ACBD6: variants seen among roughly 807,000 people sequenced by gnomAD.
The protein encoded by ACBD6 is acyl-CoA binding domain containing 6, also known as acyl-CoA-binding domain-containing protein 6.
In ACBD6, 28 loss-of-function variants were observed where a neutral mutation model predicts 37.2. The ratio of observed to expected loss-of-function variants is 0.75; its 90% CI spans 0.56 to 1.03. ACBD6 has a LOEUF of 1.03. Ranked by LOEUF, ACBD6 falls within the 50% of genes least tolerant of loss-of-function variation. The pLI, the probability that ACBD6 is intolerant of heterozygous loss-of-function variation, is 0.00. For missense variants in ACBD6, 340 were observed against 337.4 expected (o/e 1.01, Z -0.06); for synonymous variants, 113 against 126.8 (o/e 0.89, Z 0.73).
At chr1:180,278,681 G>A (rs1308991525) in intron 9 of ACBD6, 1 of 150,934 alleles carries the variant, frequency 6.6e-6, no homozygotes, top group Non-Finnish European at 1.5e-5. Context: ...GCAGGTTCAG[G>A]GCTGCGGGAT....
chr1:180,364,896 G>C (rs1652992517), intron 6 of ACBD6, among the ~76,000 whole-genome samples: 1 of 152,034 alleles, frequency 6.6e-6, no homozygotes, highest in South Asian at 2.1e-4. Context: ...ACAACGCCTG[G>C]CTAATTTTCT....
chr1:180,269,737 G>T (rs961884762), exon 14 of ACBD6: 1 of 152,352 alleles, frequency 6.6e-6, no homozygotes, highest in South Asian at 2.1e-4. Context: ...ATTCAAAGTT[G>T]CATCAGACAC....
intron 6 of ACBD6, among the ~76,000 whole-genome samples, chr1:180,345,471 A>G (rs982915973): frequency 6.6e-6 from 1 of 152,152 alleles, no homozygotes; most frequent in Non-Finnish European, 1.5e-5. Context: ...TCTTTTAGAA[A>G]AAATAAAATC....
intron 6 of ACBD6, among the ~76,000 whole-genome samples, chr1:180,335,919 C>T (rs1571376045): frequency 2.7e-5 from 4 of 149,646 alleles, no homozygotes; most frequent in Admixed American, 2.0e-4. Flanking sequence ...CAAAGAAGGC[C>T]ATTACATAAT....
chr1:180,483,571 G>A (rs1324010184), intron 3 of ACBD6, among the ~76,000 whole-genome samples: 1 of 152,016 alleles, frequency 6.6e-6, no homozygotes, highest in Non-Finnish European at 1.5e-5. Flanking sequence ...TGAAATAAAT[G>A]ACTGACTAGT....
At chr1:180,393,998 G>T (rs900247392) in intron 6 of ACBD6, among the ~76,000 whole-genome samples, 1 of 152,186 alleles carries the variant, frequency 6.6e-6, no homozygotes, top group Non-Finnish European at 1.5e-5. Context: ...CAAATAGAAC[G>T]TAAGAAATCC....
At chr1:180,444,622 T>G (rs1259663708) in intron 3 of ACBD6, among the ~76,000 whole-genome samples, 2 of 152,242 alleles carry the variant, frequency 1.3e-5, no homozygotes, top group Admixed American at 1.3e-4. Context: ...CCTCTTGATA[T>G]CCACTCCAGT....
chr1:180,435,415 A>AT (rs57053936), intron 3 of ACBD6: 3,899 of 293,910 alleles, frequency 0.013, 14 homozygotes, highest in African/African-American at 0.022. Flanking sequence ...CGCCTGGCTA[A>AT]TTTTTTTTTT....
chr1:180,291,246 CTAGAAG>C (rs1483315565), intron 7 of ACBD6, among the ~76,000 whole-genome samples: 2 of 152,152 alleles, frequency 1.3e-5, no homozygotes, highest in African/African-American at 4.8e-5. Flanking sequence ...GGGTAAATAT[CTAGAAG>C]TAGAATTGCT....
At chr1:180,482,401 A>T (rs1170360946) in intron 3 of ACBD6, among the ~76,000 whole-genome samples, 15 of 152,104 alleles carry the variant, frequency 9.9e-5, no homozygotes, top group Admixed American at 9.8e-4. Flanking sequence ...TCAACACACA[A>T]ATAACAATGG....
chr1:180,347,124 T>C (rs1652213430), intron 6 of ACBD6, among the ~76,000 whole-genome samples: 1 of 152,156 alleles, frequency 6.6e-6, no homozygotes, highest in Non-Finnish European at 1.5e-5. Flanking sequence ...AGATAATTCC[T>C]GCAGTGTTAG....
At chr1:180,434,566 C>T (rs752962302) in intron 3 of ACBD6, among the ~76,000 whole-genome samples, 1 of 152,224 alleles carries the variant, frequency 6.6e-6, no homozygotes, top group Non-Finnish European at 1.5e-5. Context: ...TTGGTCTCCA[C>T]AAATCCTTAA....
At chr1:180,401,096 T>G (rs184118833) in intron 5 of ACBD6, among the ~76,000 whole-genome samples, 69 of 152,278 alleles carry the variant, frequency 4.5e-4, no homozygotes, top group Admixed American at 3.9e-3. Context: ...TCTGGAAAAA[T>G]ATCCCAGAAG....
intron 3 of ACBD6, among the ~76,000 whole-genome samples, chr1:180,472,679 A>G (rs534889173): frequency 1.3e-5 from 2 of 152,230 alleles, no homozygotes; most frequent in Non-Finnish European, 2.9e-5. Context: ...GAAAAAAGCT[A>G]AAAGCTGAGT....
chr1:180,343,789 G>T (rs1395344791), intron 6 of ACBD6, among the ~76,000 whole-genome samples: 4 of 152,128 alleles, frequency 2.6e-5, no homozygotes, highest in Non-Finnish European at 5.9e-5. Context: ...AAACAAACAG[G>T]CCAGGTGTGG....
At chr1:180,351,641 A>T (rs1652425542) in intron 6 of ACBD6, among the ~76,000 whole-genome samples, 1 of 145,824 alleles carries the variant, frequency 6.9e-6, no homozygotes, top group Non-Finnish European at 1.5e-5. Flanking sequence ...CTCTATTAAG[A>T]TGGCTAGTAT....
intron 6 of ACBD6, among the ~76,000 whole-genome samples, chr1:180,396,408 T>C (rs748221011): frequency 6.6e-6 from 1 of 151,996 alleles, no homozygotes; most frequent in African/African-American, 2.4e-5. Context: ...TTCTAAAGTA[T>C]GACACCATAA....
chr1:180,367,344 G>A (rs1653088845), intron 6 of ACBD6, among the ~76,000 whole-genome samples: 1 of 152,130 alleles, frequency 6.6e-6, no homozygotes, highest in African/African-American at 2.4e-5. Flanking sequence ...TATTGGTACA[G>A]CAGTCCCCTT....
In ACBD6 at chr1:180,495,484, AAAG is replaced by A; in HGVS notation, c.261_263del (p.Phe88del). ...ACCATTTTTGCTTTCCTTCAAAATCAAAGAAGCTTGGTTTAGGAGTATTACAAT... is the reference window on the plus strand; with the variant it reads ...ACCATTTTTGCTTTCCTTCAAAATCAAAGCTTGGTTTAGGAGTATTACAAT... On this transcript the variant is annotated inframe_deletion, in exon 2 of 8. Transcript: ENST00000367595. 2 of 1,606,582 alleles carry A rather than the reference AAAG, an allele frequency of 1.2e-6. No homozygotes were observed. Among genetic ancestry groups the A allele is most frequent in the African/African-American group, 1.3e-5 (1 of 74,680 alleles).
Sources: allele counts gnomAD v4.1 joint callset (sites outside exome capture counted in the v4.1 genomes callset), GRCh38; gene constraint gnomAD v4.1.1; transcripts MANE v1.5; gene names NCBI Gene and HGNC (gene_info 2026-07-23, HGNC 2026-07-21).